Variants in CRAT observed in about 807,000 individuals in gnomAD.
CRAT encodes the protein carnitine acetylase.
Under a neutral mutation model 73.7 loss-of-function variants are expected in CRAT, and 66 were observed. The observed-to-expected ratio is 0.90, with a 90% CI of 0.73 to 1.10. CRAT has a LOEUF of 1.10. Among genes scored for constraint, CRAT ranks in the 50% least tolerant of loss-of-function variants. The pLI is 0.00. For missense variants in CRAT, 745 were observed against 846.9 expected (o/e 0.88, Z 1.49); for synonymous variants, 321 against 343.2 (o/e 0.94, Z 0.71).
rs1847602545 is a variant in CRAT, at chr9:129,100,561, C to T, written c.934G>A (p.Gly312Ser). 1.2e-6 allele frequency: 2 copies of T among 1,613,794 alleles called. No individual in the cohort carries two copies. The highest frequency in any genetic ancestry group is 1.7e-6 in the Non-Finnish European group (2 of 1,179,994). Reference sequence around the variant, plus strand: ...TTGCCGCTGTTGAGCCTGCTGCCGCCCCCATGCAGCATCTGGCCTGCCACG... The same window carrying T: ...TTGCCGCTGTTGAGCCTGCTGCCGCTCCCATGCAGCATCTGGCCTGCCACG... ...SHVAGQMLHG[G>S]GSRLNSGNRW... The change falls in exon 7 of 14, where the codon GGC becomes AGC. Residue 312 changes from glycine to serine, a missense_variant. Coordinates refer to ENST00000318080, the MANE Select transcript of CRAT (RefSeq NM_000755.5).
chr9:129,109,368 C>G (rs1848234652), intron 1 of CRAT: 1 of 1,016,048 alleles, frequency 9.8e-7, no homozygotes, highest in South Asian at 1.4e-5. Flanking sequence ...TCCTGTTTCT[C>G]TCCAGGACTC....
rs181730785 is a variant in CRAT at position 129,095,486 on chromosome 9, T to C, written c.1792A>G (p.Thr598Ala). ...SLSAYNSCAE[T>A]NAARLAHYLE... ...TAATGCGCCAGGCGGGCGGCGTTGGTCTCCGCGCAGCTGTTGTAGGCCGAC... is the reference window on the plus strand; with the variant it reads ...TAATGCGCCAGGCGGGCGGCGTTGGCCTCCGCGCAGCTGTTGTAGGCCGAC... Residue 598 changes from threonine (T) to alanine (A), a missense_variant, in exon 14 of 14, where the codon ACC (threonine) becomes GCC (alanine). Thr to Ala is a moderately conservative substitution (Grantham distance 58). Coordinates refer to ENST00000318080, the MANE Select transcript of CRAT (RefSeq NM_000755.5). The C allele has an allele frequency of 8.7e-6, 14 of 1,613,410 alleles. No individual in the cohort carries two copies. The highest frequency in any genetic ancestry group is 8.3e-5 in the Admixed American group (5 of 60,020).
intron 2 of CRAT, among the ~76,000 whole-genome samples, chr9:129,104,610 T>C (rs77521996): frequency 0.011 from 2 of 174 alleles, no homozygotes; most frequent in Admixed American, 0.045. Flanking sequence ...AACGAATTCT[T>C]TTTTTTTTTT....
In CRAT at chr9:129,098,437, C is replaced by A. The variant is rs1387470662; in HGVS notation, c.1206-66G>T. On this transcript the variant is annotated intron_variant, in intron 9 of 13. Coordinates refer to ENST00000318080, the MANE Select transcript of CRAT (RefSeq NM_000755.5). ...AGCCCCTGCCAACCCCACGGAGGGT[C>A]TGGGTGTCATGACAGAGCTGGCACA... The A allele has an allele frequency of 5.0e-6, 8 of 1,600,190 alleles. No individual in the cohort carries two copies. In the Admixed American group the frequency reaches 8.4e-5, roughly 17 times the overall value.
In CRAT at chr9:129,110,261, G is replaced by A. The variant is rs1189754355; in HGVS notation, c.27+222C>T. On this transcript the variant is annotated intron_variant, in intron 1 of 13. Coordinates refer to ENST00000318080, the MANE Select transcript of CRAT (RefSeq NM_000755.5). The surrounding 1 kb of genome is among the most constrained non-coding windows in gnomAD (Gnocchi z 5.3). ...CCGGGGTCCCCCTTGTCTTTCCTGG[G>A]TCGTTGGAACTGAATGCTCCAGGAC... Among the ~76,000 whole-genome samples, 1 of 152,200 alleles carries A rather than the reference G, an allele frequency of 6.6e-6. No individual in the cohort carries two copies. The highest frequency in any genetic ancestry group is 2.4e-5 in the African/African-American group (1 of 41,452).
In CRAT at chr9:129,106,967, C is replaced by G. The variant is rs1157504284; in HGVS notation, c.291+847G>C. Among the ~76,000 whole-genome samples, 1 of 152,144 alleles carries G rather than the reference C, an allele frequency of 6.6e-6. No homozygotes were observed. Among genetic ancestry groups the G allele is most frequent in the Non-Finnish European group, 1.5e-5 (1 of 68,014 alleles). The stretch of plus-strand genomic sequence containing the variant: ...TGTCAGACCCAGGCTGCCACAGCTC[C>G]TTGGGGGTGATGTCACCCCTCCCCC... On this transcript the variant is annotated intron_variant, in intron 2 of 13. Coordinates refer to ENST00000318080, the MANE Select transcript of CRAT (RefSeq NM_000755.5). The surrounding 1 kb of genome is among the most constrained non-coding windows in gnomAD (Gnocchi z 4.0).
chr9:129,097,480 A>G (rs1166174809), intron 11 of CRAT, among the ~76,000 whole-genome samples, 168 bp from the exon 12 acceptor site: 1 of 152,050 alleles, frequency 6.6e-6, no homozygotes, highest in African/African-American at 2.4e-5. Context: ...AGGCCGAGGC[A>G]GGTGGATCCC....
In CRAT at chr9:129,110,571, C is replaced by T; in HGVS notation, c.-62G>A. 1.4e-6 allele frequency: 1 copy of T among 701,896 alleles called. No homozygotes were observed. The highest frequency in any genetic ancestry group is 1.8e-6 in the Non-Finnish European group (1 of 543,126). The allele number at this position is 701,896 out of a possible 1,614,324, so 43.5% of individuals were successfully genotyped here. ...CCCCACACACCGGGCAAAGTCCGCG[C>T]CGCCGCCGCCGCGGCTGGGGTCGGT... On this transcript the variant is annotated 5_prime_UTR_variant, in exon 1 of 14. Transcript: ENST00000318080. The surrounding 1 kb of genome is among the most constrained non-coding windows in gnomAD (Gnocchi z 5.3).
At chr9:129,098,414 C>T in intron 9 of CRAT, 43 bp from the exon 10 acceptor site, 1 of 1,607,510 alleles carries the variant, frequency 6.2e-7, no homozygotes, top group Non-Finnish European at 8.5e-7. Flanking sequence ...GCCCCGGCAG[C>T]CCCTGCCAAC....
rs751743744 is a variant in CRAT, at chr9:129,101,954, T to G, written c.734A>C (p.Lys245Thr). 4 of 1,614,194 alleles carry G rather than the reference T, an allele frequency of 2.5e-6. No homozygotes were observed. The highest frequency in any genetic ancestry group is 1.7e-5 in the Admixed American group (1 of 60,020). ...GGAGGTGAGGATGCCCACAGGCTCC[T>G]TGTTGGTCTGTAGGGATGAGTTCCA... ...KIWNSSLQTNKEPVGILTSNH... is the reference protein window; with the variant it reads ...KIWNSSLQTNTEPVGILTSNH... The change falls in exon 6 of 14, where the codon AAG (lysine) becomes ACG (threonine). Residue 245 changes from lysine to threonine, a missense_variant. Coordinates refer to ENST00000318080, the MANE Select transcript of CRAT (RefSeq NM_000755.5).
In CRAT at chr9:129,110,556, C is replaced by T. The variant is rs1848367574; in HGVS notation, c.-47G>A. ...ACGCAGTCCGCTCCGCCCCACACAC[C>T]GGGCAAAGTCCGCGCCGCCGCCGCC... On this transcript the variant is annotated 5_prime_UTR_variant, in exon 1 of 14. Coordinates refer to ENST00000318080, the MANE Select transcript of CRAT (RefSeq NM_000755.5). The surrounding 1 kb of genome is among the most constrained non-coding windows in gnomAD (Gnocchi z 5.3). 1 of 1,542,864 alleles carries T rather than the reference C, an allele frequency of 6.5e-7. No homozygotes were observed. The highest frequency in any genetic ancestry group is 1.5e-5 in the African/African-American group (1 of 65,526).
chr9:129,100,039 G>A (rs1847564133), intron 7 of CRAT, 73 bp from the exon 8 acceptor site: 1 of 1,227,384 alleles, frequency 8.1e-7, no homozygotes, highest in Admixed American at 1.8e-5. Context: ...CCACTCTTTG[G>A]TTGAGGCAAG....
Position 129,095,523 on chromosome 9 carries a change from G to A in CRAT, c.1755C>T (p.Ile585=). The A allele has an allele frequency of 6.2e-7, 1 of 1,613,576 alleles. No individual in the cohort carries two copies. The highest frequency in any genetic ancestry group is 8.5e-7 in the Non-Finnish European group (1 of 1,180,008). ...GVCYNPMEAH[I]NFSLSAYNSC... is the part of the protein sequence containing the mutation. ...TGTTGTAGGCCGACAGGGAGAAGTT[G>A]ATGTGGGCCTCCATGGGGTTATAGC... Residue 585 remains isoleucine, a synonymous_variant, in exon 14 of 14, where the codon ATC becomes ATT. Coordinates refer to ENST00000318080, the MANE Select transcript of CRAT (RefSeq NM_000755.5).
chr9:129,102,260 A>T, intron 5 of CRAT, 140 bp downstream of exon 5: 4 of 1,318,430 alleles, frequency 3.0e-6, no homozygotes, highest in Non-Finnish European at 3.1e-6. Context: ...TGGGCCCCCA[A>T]TGGAGAAGCC....
At position 129,104,308 on chromosome 9, in the gene CRAT, TG is replaced by T; in HGVS notation, c.292-3del. On this transcript the variant is annotated splice_polypyrimidine_tract_variant and splice_region_variant and intron_variant, in intron 2 of 13. Coordinates refer to ENST00000318080, the MANE Select transcript of CRAT (RefSeq NM_000755.5). Reference sequence around the variant, plus strand: ...GGTCTTGAGCCACCACTCAGACAGCTGGGAAAAGTGCCAGAGCCTGTCAGGA... The same window carrying T: ...GGTCTTGAGCCACCACTCAGACAGCTGGAAAAGTGCCAGAGCCTGTCAGGA... 1 of 1,611,694 alleles carries T rather than the reference TG, an allele frequency of 6.2e-7. No individual in the cohort carries two copies. The highest frequency in any genetic ancestry group is 8.5e-7 in the Non-Finnish European group (1 of 1,178,226).
Position 129,110,784 on chromosome 9 carries a change from G to T in CRAT, c.-275C>A. 1 of 546,182 alleles carries T rather than the reference G, an allele frequency of 1.8e-6. No individual in the cohort carries two copies. The highest frequency in any genetic ancestry group is 3.1e-6 in the Non-Finnish European group (1 of 322,052). The allele number at this position is 546,182 out of a possible 1,614,324, so 33.8% of individuals were successfully genotyped here. On this transcript the variant is annotated 5_prime_UTR_variant, in exon 1 of 14. Transcript: ENST00000318080. The surrounding 1 kb of genome is among the most constrained non-coding windows in gnomAD (Gnocchi z 5.3). Reference sequence around the variant, plus strand: ...AACGGTGCCCGGGAGGTTGGCTGTGGGGCGGGGACGGGGCATCGATGGGGC... The same window carrying T: ...AACGGTGCCCGGGAGGTTGGCTGTGTGGCGGGGACGGGGCATCGATGGGGC...
chr9:129,102,717 G>T, intron 4 of CRAT, 152 bp from the exon 5 acceptor site: 1 of 952,508 alleles, frequency 1.0e-6, no homozygotes, highest in Non-Finnish European at 1.6e-6. Flanking sequence ...CTGTGCTGTG[G>T]GCAGGGGGCT....
intron 12 of CRAT, among the ~76,000 whole-genome samples, chr9:129,096,410 G>A (rs1245787933): frequency 6.6e-6 from 1 of 152,236 alleles, no homozygotes; most frequent in African/African-American, 2.4e-5. Flanking sequence ...GCAGGGCCTT[G>A]GCAGGTTGCT....
At chr9:129,109,179 C>G (rs1480777882) in intron 1 of CRAT, 5 of 1,304,196 alleles carry the variant, frequency 3.8e-6, no homozygotes, top group Non-Finnish European at 5.1e-6. Flanking sequence ...AAAAATCCAC[C>G]TGTCAGAATC....
Sources: allele counts gnomAD v4.1 joint callset (sites outside exome capture counted in the v4.1 genomes callset), GRCh38; gene constraint gnomAD v4.1.1; non-coding constraint Gnocchi (gnomAD v3.1); transcripts MANE v1.5; gene names NCBI Gene and HGNC (gene_info 2026-07-23, HGNC 2026-07-21).